The following R3HCC1L variants were observed in gnomAD, a reference collection of about 807,000 sequenced individuals.
R3HCC1L encodes R3H domain and coiled-coil containing 1 like, also known as coiled-coil domain-containing protein R3HCC1L.
A neutral mutation model predicts 59.9 loss-of-function variants in R3HCC1L; 51 were observed. That is an observed-to-expected ratio of 0.85 (90% CI 0.68 to 1.07). R3HCC1L has a LOEUF of 1.07. Ranked by LOEUF, R3HCC1L falls within the 50% of genes least tolerant of loss-of-function variation. The probability of loss-of-function intolerance (pLI) is 0.00; values close to 1 mark genes in which losing one functional copy is unlikely to be tolerated. For missense variants in R3HCC1L, 965 were observed against 933.0 expected, an observed-to-expected ratio of 1.03 and a Z score of -0.45; for synonymous variants, 322 against 315.2, an observed-to-expected ratio of 1.02 and a Z score of -0.23.
intron 2 of R3HCC1L, among the ~76,000 whole-genome samples, chr10:98,159,549 C>CCTTG (rs894204820): frequency 1.4e-4 from 21 of 152,184 alleles, no homozygotes; most frequent in African/African-American, 5.1e-4. Flanking sequence ...TCTTGTTACT[C>CCTTG]CTTGAACTTT....
At position 98,209,918 on chromosome 10, in the gene R3HCC1L, G is replaced by A. The variant is rs1212536683; in HGVS notation, c.1785+19G>A. ...ACAAGAGGTATGTTTAATTGAAATT[G>A]CTTGATGCTTAGTTAGTTTATAAAT... is the stretch of plus-strand genomic sequence containing the variant. On this transcript the variant is annotated intron_variant, in intron 5 of 9. Transcript: ENST00000298999. 1 of 1,567,800 alleles carries A rather than the reference G, an allele frequency of 6.4e-7. No individual in the cohort carries two copies. Among genetic ancestry groups the A allele is most frequent in the Admixed American group, 1.7e-5 (1 of 57,284 alleles).
chr10:98,234,776 C>T (rs1856738575), intron 7 of R3HCC1L, among the ~76,000 whole-genome samples: 1 of 152,076 alleles, frequency 6.6e-6, no homozygotes, highest in Admixed American at 6.5e-5. Flanking sequence ...AGTACGTAAA[C>T]AGATTAAGGT....
rs139280105 is a variant in R3HCC1L at position 98,208,674 on chromosome 10, A to G, written c.560A>G (p.Asp187Gly). 6.2e-7 allele frequency: 1 copy of G among 1,614,026 alleles called. No individual in the cohort carries two copies. Among genetic ancestry groups the G allele is most frequent in the African/African-American group, 1.3e-5 (1 of 74,934 alleles). Residue 187 changes from aspartate (D) to glycine (G), a missense_variant, in exon 5 of 10, where the codon GAC (aspartate) becomes GGC (glycine). By Grantham distance (94) the Asp-to-Gly change is moderately conservative. Transcript: ENST00000298999. The part of the protein sequence containing the change: ...SKPFQNVEFC[D>G]FSRHEPDGEA... ...CCATTCCAAAATGTGGAATTCTGTG[A>G]CTTCAGTAGGCATGAACCTGATGGG... is the stretch of plus-strand genomic sequence containing the variant.
At chr10:98,239,276 A>G (rs541719970) in intron 9 of R3HCC1L, among the ~76,000 whole-genome samples, 3 of 152,220 alleles carry the variant, frequency 2.0e-5, no homozygotes, top group East Asian at 3.9e-4. Flanking sequence ...ATATACTGCT[A>G]CTCTCCATCC....
chr10:98,154,321 G>C (rs192529791), intron 1 of R3HCC1L, among the ~76,000 whole-genome samples: 13 of 151,990 alleles, frequency 8.6e-5, no homozygotes, highest in African/African-American at 2.9e-4. Context: ...ATTACCCTTT[G>C]TGGGCATGCT....
At chr10:98,185,331 A>G (rs1369918491) in intron 4 of R3HCC1L, among the ~76,000 whole-genome samples, 2 of 152,160 alleles carry the variant, frequency 1.3e-5, no homozygotes, top group South Asian at 4.1e-4. Flanking sequence ...TAATGAGCAT[A>G]TAGTTTAATG....
At chr10:98,226,679 C>T (rs191171751) in intron 5 of R3HCC1L, among the ~76,000 whole-genome samples, 19 of 152,308 alleles carry the variant, frequency 1.2e-4, no homozygotes, top group Admixed American at 7.2e-4. Flanking sequence ...TATAAAGCTA[C>T]AGTAACCAAA....
At chr10:98,177,111 A>T (rs1564650533) in intron 4 of R3HCC1L, among the ~76,000 whole-genome samples, 1 of 152,032 alleles carries the variant, frequency 6.6e-6, no homozygotes. Flanking sequence ...TACATGTGCT[A>T]TGTTGGTTTG....
At chr10:98,223,801 G>C (rs1855341190) in intron 5 of R3HCC1L, among the ~76,000 whole-genome samples, 1 of 152,076 alleles carries the variant, frequency 6.6e-6, no homozygotes, top group South Asian at 2.1e-4. Context: ...GCAGCGTTCT[G>C]TGCACCAAAG....
intron 4 of R3HCC1L, among the ~76,000 whole-genome samples, chr10:98,199,453 T>A (rs1199044502): frequency 2.6e-5 from 4 of 151,878 alleles, no homozygotes; most frequent in South Asian, 2.1e-4. Context: ...ATTTTTTTTT[T>A]AATTACAAGA....
intron 4 of R3HCC1L, among the ~76,000 whole-genome samples, chr10:98,198,380 G>T (rs1851680477): frequency 6.6e-6 from 1 of 151,982 alleles, no homozygotes; most frequent in Non-Finnish European, 1.5e-5. Context: ...TGAATGGCAG[G>T]ACTAGGACAT....
In R3HCC1L at chr10:98,220,258, C is replaced by CA. The variant is rs543513280; in HGVS notation, c.1785+10360dup. ...TCTTTGTTGAATTTCTCATTGAGGT[C>CA]ATGAATTGTTTGTCTGATTTCCTTG... On this transcript the variant is annotated intron_variant, in intron 5 of 9. Transcript: ENST00000298999. Among the ~76,000 whole-genome samples the CA allele has an allele frequency of 3.2e-4, 49 of 151,974 alleles. 1 individual carries two copies. Among genetic ancestry groups the CA allele is most frequent in the Admixed American group, 2.4e-3 (36 of 15,280 alleles).
chr10:98,145,948 C>CAA (rs59848528), intron 1 of R3HCC1L, among the ~76,000 whole-genome samples: 5 of 141,874 alleles, frequency 3.5e-5, no homozygotes, highest in East Asian at 2.0e-4. Flanking sequence ...GACTCCATCT[C>CAA]AAAAAAAAAA....
chr10:98,162,057 G>A (rs1421062267), intron 2 of R3HCC1L, among the ~76,000 whole-genome samples: 2 of 151,844 alleles, frequency 1.3e-5, no homozygotes, highest in Non-Finnish European at 2.9e-5. Flanking sequence ...TGTCTTTCAG[G>A]AATGTTTTAA....
intron 4 of R3HCC1L, among the ~76,000 whole-genome samples, chr10:98,185,768 A>G (rs1850170892): frequency 6.6e-6 from 1 of 152,230 alleles, no homozygotes; most frequent in South Asian, 2.1e-4. Context: ...CAAGTCATTG[A>G]AAGACTTTAG....
intron 5 of R3HCC1L, among the ~76,000 whole-genome samples, chr10:98,219,058 C>T (rs1228939055): frequency 6.6e-6 from 1 of 152,104 alleles, no homozygotes; most frequent in East Asian, 1.9e-4. Context: ...ATTATAGGCG[C>T]ATGCTATTAT....
At chr10:98,231,121 G>C in intron 5 of R3HCC1L, 1 of 350,390 alleles carries the variant, frequency 2.9e-6, no homozygotes, top group Non-Finnish European at 5.6e-6. Context: ...CTATGAGCCT[G>C]GTCAGTAAGC....
In R3HCC1L at chr10:98,244,123, G is replaced by T. The variant is rs766893560; in HGVS notation, c.2302G>T (p.Asp768Tyr). 4.3e-6 allele frequency: 7 copies of T among 1,613,916 alleles called. No homozygotes were observed. The Admixed American group carries it at 8.3e-5, about 19-fold the overall frequency. The change falls in exon 10 of 10, where the codon GAC becomes TAC. Residue 768 changes from aspartate (D) to tyrosine (Y), a missense_variant. Coordinates refer to ENST00000298999, the MANE Select transcript of R3HCC1L (RefSeq NM_001351015.2). ...RKRLEAKQRE[D>Y]IWEGRDQSTV ...GCGGTTGGAAGCCAAGCAACGGGAA[G>T]ACATCTGGGAAGGCAGAGACCAGTC... is the stretch of plus-strand genomic sequence containing the variant.
chr10:98,190,351 C>A (rs184999050), intron 4 of R3HCC1L, among the ~76,000 whole-genome samples: 3 of 152,120 alleles, frequency 2.0e-5, no homozygotes, highest in African/African-American at 7.2e-5. Flanking sequence ...TTTTATTATT[C>A]TAATTTTATT....
Sources: gnomAD v4.1 joint callset for allele counts (sites outside exome capture counted in the v4.1 genomes callset) on GRCh38, gnomAD v4.1.1 for gene constraint, MANE v1.5 for transcripts, NCBI Gene and HGNC (gene_info 2026-07-23, HGNC 2026-07-21) for gene names.